Variants in ROBO2 observed in about 807,000 individuals in gnomAD.
ROBO2 encodes roundabout homolog 2.
Under a neutral mutation model 160.8 loss-of-function variants are expected in ROBO2, and 53 were observed. The ratio of observed to expected loss-of-function variants is 0.33; its 90% CI spans 0.26 to 0.41. The LOEUF is 0.41. ROBO2 is among the 10% of genes least tolerant of loss of function. ROBO2 has a pLI of 1.00. For synonymous variants in ROBO2, 664 were observed against 611.7 expected, an observed-to-expected ratio of 1.09 and a Z score of -1.26; for missense variants, 1,577 against 1,722.4, an observed-to-expected ratio of 0.92 and a Z score of 1.49.
At chr3:76,466,358 G>A (rs3849497) in intron 2 of ROBO2, among the ~76,000 whole-genome samples, 103,278 of 151,598 alleles carry the variant, frequency 0.68, 36,628 homozygotes, top group African/African-American at 0.9. Context: ...GATCACCTAC[G>A]TCGATCTTAC....
intron 2 of ROBO2, among the ~76,000 whole-genome samples, chr3:76,658,079 A>C (rs932662364): frequency 8.4e-6 from 1 of 119,116 alleles, no homozygotes; most frequent in Non-Finnish European, 1.9e-5. Context: ...TAAATAAATA[A>C]ATAAATAAAT....
intron 2 of ROBO2, among the ~76,000 whole-genome samples, chr3:76,209,993 C>G (rs772930297): frequency 7.9e-5 from 12 of 152,048 alleles, no homozygotes; most frequent in Non-Finnish European, 1.5e-4. Context: ...AGGCCCAGAA[C>G]TTCATCACTT....
rs563727375 is a variant in ROBO2 at position 76,323,941 on chromosome 3, G to A, written c.109+386339G>A. 2.6e-5 allele frequency among the ~76,000 whole-genome samples: 4 copies of A among 152,192 alleles called. No individual in the cohort carries two copies. The South Asian group carries it at 8.3e-4, about 32-fold the overall frequency. Reference sequence around the variant, plus strand: ...ACTCCTCTCAATAAAAGTTTTAAGAGATAAGAAGCTTTTTCTGTTTCAGGT... The same window carrying A: ...ACTCCTCTCAATAAAAGTTTTAAGAAATAAGAAGCTTTTTCTGTTTCAGGT... On this transcript the variant is annotated intron_variant, in intron 2 of 26. Coordinates refer to the ROBO2 transcript ENST00000487694.
intron 2 of ROBO2, among the ~76,000 whole-genome samples, chr3:75,954,226 T>C (rs1948650006): frequency 6.6e-6 from 1 of 151,822 alleles, no homozygotes; most frequent in South Asian, 2.1e-4. Context: ...ATTTAATGCA[T>C]GTATATTTTT....
chr3:76,500,957 T>C (rs2080430457), intron 2 of ROBO2, among the ~76,000 whole-genome samples: 2 of 144,582 alleles, frequency 1.4e-5, no homozygotes, highest in South Asian at 4.5e-4. Flanking sequence ...TCCCAGGCTG[T>C]GTCATAATTC....
intron 1 of ROBO2, among the ~76,000 whole-genome samples, chr3:77,094,691 A>C (rs922149821): frequency 6.6e-6 from 1 of 152,150 alleles, no homozygotes; most frequent in African/African-American, 2.4e-5. Context: ...CCTTGACAAT[A>C]CTTGTTATTT....
chr3:76,989,447 C>T (rs2060550888), intron 2 of ROBO2, among the ~76,000 whole-genome samples: 1 of 151,808 alleles, frequency 6.6e-6, no homozygotes, highest in African/African-American at 2.4e-5. Context: ...ATTTTCATTT[C>T]CCATTATAGT....
chr3:77,044,984 T>C (rs778915500), intron 1 of ROBO2, among the ~76,000 whole-genome samples: 3 of 152,158 alleles, frequency 2.0e-5, no homozygotes, highest in Non-Finnish European at 4.4e-5. Flanking sequence ...CATGTGTGCC[T>C]TTATTAGCTG....
At chr3:77,298,565 A>G (rs1580847909) in intron 2 of ROBO2, among the ~76,000 whole-genome samples, 1 of 152,230 alleles carries the variant, frequency 6.6e-6, no homozygotes, top group East Asian at 1.9e-4. Context: ...GAGAAGGTTT[A>G]CTTCAGTCAT....
chr3:77,178,103 G>C (rs2080332821), intron 2 of ROBO2, among the ~76,000 whole-genome samples: 1 of 151,958 alleles, frequency 6.6e-6, no homozygotes, highest in South Asian at 2.1e-4. Flanking sequence ...TAAAATTTAA[G>C]ATTAAGTAGA....
chr3:77,522,336 A>C (rs928010930), intron 5 of ROBO2, among the ~76,000 whole-genome samples: 1 of 151,254 alleles, frequency 6.6e-6, no homozygotes. Flanking sequence ...ATAAGAGAAA[A>C]ATTTTGTTCT....
intron 2 of ROBO2, among the ~76,000 whole-genome samples, chr3:77,219,525 GTA>G (rs1211865226): frequency 1.4e-5 from 2 of 139,096 alleles, no homozygotes; most frequent in Non-Finnish European, 1.5e-5. Flanking sequence ...CTGTGTGTGT[GTA>G]TATATATATA....
Position 76,655,439 on chromosome 3 carries a change from C to CATATATATAT in ROBO2, c.110-442568_110-442559dup, listed in dbSNP as rs747521584. 1.4e-3 allele frequency among the ~76,000 whole-genome samples: 80 copies of CATATATATAT among 57,780 alleles called. 5 individuals carry two copies. Among genetic ancestry groups the CATATATATAT allele is most frequent in the South Asian group, 5.8e-3 (5 of 860 alleles). 37.9% of individuals were successfully genotyped at this position (57,780 alleles called of 152,430 possible). On this transcript the variant is annotated intron_variant, in intron 2 of 26. Coordinates refer to the ROBO2 transcript ENST00000487694. The stretch of plus-strand genomic sequence containing the variant: ...GTGTTTCTGTGTATGGATTTTTTTC[C>CATATATATAT]ATATATATATATATATGGATTTTTT...
chr3:76,418,525 A>G (rs1177116380), intron 2 of ROBO2, among the ~76,000 whole-genome samples: 2 of 152,182 alleles, frequency 1.3e-5, no homozygotes, highest in Non-Finnish European at 2.9e-5. Flanking sequence ...GGCAGGAGCC[A>G]CTGCACCCGG....
intron 2 of ROBO2, among the ~76,000 whole-genome samples, chr3:76,764,552 C>G (rs1231580500): frequency 6.6e-6 from 1 of 151,672 alleles, no homozygotes. Context: ...AATTGCCTGC[C>G]TGACTTAATT....
chr3:77,479,474 G>A (rs772796278), intron 3 of ROBO2, among the ~76,000 whole-genome samples: 1 of 152,098 alleles, frequency 6.6e-6, no homozygotes, highest in Non-Finnish European at 1.5e-5. Context: ...ATGTCAGAGA[G>A]ACATTGATGT....
At chr3:77,188,571 T>A (rs1218894329) in intron 2 of ROBO2, among the ~76,000 whole-genome samples, 1 of 151,904 alleles carries the variant, frequency 6.6e-6, no homozygotes, top group Non-Finnish European at 1.5e-5. Flanking sequence ...TTCATTCGTT[T>A]AAGGCAGAAA....
intron 2 of ROBO2, among the ~76,000 whole-genome samples, chr3:76,063,365 C>T (rs1264706788): frequency 7.3e-6 from 1 of 136,796 alleles, no homozygotes; most frequent in Admixed American, 7.5e-5. Context: ...TTTTTTGAGA[C>T]AGAGTCTCAC....
intron 2 of ROBO2, among the ~76,000 whole-genome samples, chr3:76,840,752 A>G (rs1002518375): frequency 1.3e-5 from 2 of 151,344 alleles, no homozygotes; most frequent in Non-Finnish European, 2.9e-5. Flanking sequence ...AACTTTTGCT[A>G]AAATGAACAA....
Sources: allele counts gnomAD v4.1 joint callset (sites outside exome capture counted in the v4.1 genomes callset), GRCh38; gene constraint gnomAD v4.1.1; transcripts MANE v1.5; gene names NCBI Gene and HGNC (gene_info 2026-07-23, HGNC 2026-07-21).